The following GFRA2 variants were observed in gnomAD, a reference collection of about 807,000 sequenced individuals.
GFRA2 encodes GDNF family receptor alpha 2, also known as GDNF family receptor alpha-2.
GFRA2 carries 17 observed loss-of-function variants against 48.3 expected under a neutral mutation model. The ratio of observed to expected loss-of-function variants is 0.35; its 90% confidence interval spans 0.24 to 0.53. The LOEUF (loss-of-function observed/expected upper bound fraction) is 0.53, where lower values mean the gene tolerates loss of function less well. GFRA2 is among the 20% of genes least tolerant of loss of function. The probability of loss-of-function intolerance (pLI) is 0.93; values close to 1 mark genes in which losing one functional copy is unlikely to be tolerated. For synonymous variants in GFRA2, 305 were observed against 257.2 expected (o/e 1.19, Z -1.78); for missense variants, 660 against 637.3 (o/e 1.04, Z -0.38).
Position 21,693,269 on chromosome 8 carries a change from T to C in GFRA2, c.*9A>G. 3 of 1,603,210 alleles carry C rather than the reference T, an allele frequency of 1.9e-6. No individual in the cohort carries two copies. The highest frequency in any genetic ancestry group is 2.6e-6 in the Non-Finnish European group (3 of 1,174,530). ...GCTTTCAAAAATATTCTGACTCGGT[T>C]CCCACAGCCTACAAGGCCAGTTTCA... On this transcript the variant is annotated 3_prime_UTR_variant, in exon 9 of 9. Coordinates refer to ENST00000524240, the MANE Select transcript of GFRA2 (RefSeq NM_001495.5).
chr8:21,751,259 T>G, intron 3 of GFRA2, among the ~76,000 whole-genome samples: 1 of 152,166 alleles, frequency 6.6e-6, no homozygotes, highest in South Asian at 2.1e-4. Context: ...CAACCAGGTG[T>G]GTATGGCCCT....
chr8:21,778,697 C>G (rs1052233059), intron 2 of GFRA2, among the ~76,000 whole-genome samples: 2 of 152,118 alleles, frequency 1.3e-5, no homozygotes, highest in Non-Finnish European at 2.9e-5. Context: ...TTGAGGACAG[C>G]CTGGGCAATA....
intron 4 of GFRA2, among the ~76,000 whole-genome samples, chr8:21,714,278 G>A (rs566726065): frequency 1.4e-4 from 9 of 62,194 alleles, no homozygotes; most frequent in African/African-American, 4.3e-4. Flanking sequence ...TTGAGACAGG[G>A]TCTCACTCTG....
At chr8:21,774,878 G>A (rs1362313323) in intron 3 of GFRA2, 94 bp downstream of exon 3, 10 of 712,916 alleles carry the variant, frequency 1.4e-5, no homozygotes, top group Admixed American at 3.8e-5. Context: ...GGCCATCATC[G>A]GACGCCAGGA....
chr8:21,754,514 T>TC (rs1554493330), intron 3 of GFRA2, among the ~76,000 whole-genome samples: 3 of 146,358 alleles, frequency 2.0e-5, no homozygotes, highest in Non-Finnish European at 3.0e-5. Flanking sequence ...TCTTTTTTTT[T>TC]TTTTTTTTTT....
At chr8:21,801,140 G>A (rs1411323888) in intron 2 of GFRA2, among the ~76,000 whole-genome samples, 1 of 151,972 alleles carries the variant, frequency 6.6e-6, no homozygotes, top group African/African-American at 2.4e-5. Context: ...CCCTGAGGAA[G>A]GAGAACATCC....
chr8:21,741,391 T>TA (rs1804736864), intron 4 of GFRA2, among the ~76,000 whole-genome samples: 1 of 152,190 alleles, frequency 6.6e-6, no homozygotes, highest in South Asian at 2.1e-4. Context: ...ATCTTGCAGA[T>TA]AAACTTTTCC....
chr8:21,759,103 A>T (rs1204012859), intron 3 of GFRA2, among the ~76,000 whole-genome samples: 1 of 152,144 alleles, frequency 6.6e-6, no homozygotes, highest in African/African-American at 2.4e-5. Flanking sequence ...AAAAATACAT[A>T]AAAAAGGTCG....
At chr8:21,780,583 T>C (rs1585334940) in intron 2 of GFRA2, among the ~76,000 whole-genome samples, 1 of 152,112 alleles carries the variant, frequency 6.6e-6, no homozygotes, top group East Asian at 1.9e-4. Flanking sequence ...TCAGACCCAC[T>C]TCCTCCCTCG....
intron 3 of GFRA2, among the ~76,000 whole-genome samples, chr8:21,758,102 C>A (rs565714950): frequency 2.0e-5 from 3 of 151,932 alleles, no homozygotes; most frequent in African/African-American, 7.3e-5. Flanking sequence ...CGGCTGGCAC[C>A]TGGGCATCTG....
At chr8:21,695,208 G>C (rs188416286) in intron 7 of GFRA2, among the ~76,000 whole-genome samples, 2 of 152,280 alleles carry the variant, frequency 1.3e-5, no homozygotes, top group Admixed American at 6.5e-5. Flanking sequence ...TGTCTACCCT[G>C]GTGTGGCCAC....
chr8:21,798,911 A>G (rs1170912942), intron 2 of GFRA2, among the ~76,000 whole-genome samples: 1 of 152,172 alleles, frequency 6.6e-6, no homozygotes, highest in African/African-American at 2.4e-5. Flanking sequence ...GAAGTCTCCC[A>G]TTCTTATCTG....
At chr8:21,745,100 G>C (rs748926265) in intron 4 of GFRA2, among the ~76,000 whole-genome samples, 7 of 152,244 alleles carry the variant, frequency 4.6e-5, no homozygotes, top group Non-Finnish European at 8.8e-5. Flanking sequence ...TTTATCGCTG[G>C]TGACATTTAA....
At chr8:21,782,974 C>T in intron 1 of GFRA2, 75 bp from the exon 2 acceptor site, 1 of 1,388,340 alleles carries the variant, frequency 7.2e-7, no homozygotes. Context: ...GGCCTGGGGG[C>T]TTGGGCCCTG....
At chr8:21,743,745 G>C (rs1316602674) in intron 4 of GFRA2, among the ~76,000 whole-genome samples, 1 of 152,206 alleles carries the variant, frequency 6.6e-6, no homozygotes, top group Non-Finnish European at 1.5e-5. Context: ...CCCCTCCTAT[G>C]CCTGTGGCAG....
At chr8:21,804,152 T>C (rs1373130489) in intron 2 of GFRA2, among the ~76,000 whole-genome samples, 2 of 151,964 alleles carry the variant, frequency 1.3e-5, no homozygotes, top group Non-Finnish European at 2.9e-5. Flanking sequence ...CACAAACCTA[T>C]ACTGCTGCCT....
Position 21,782,651 on chromosome 8 carries a change from G to T in GFRA2, c.289C>A (p.Arg97=). The T allele has an allele frequency of 6.3e-7, 1 of 1,585,274 alleles. No homozygotes were observed. Among genetic ancestry groups the T allele is most frequent in the Non-Finnish European group, 8.6e-7 (1 of 1,166,350 alleles). ...CACTGCAGCTCCTTCTTCATGCCCC[G>T]CTTGCAGCGGCAGTCGTACAGCGGG... ...ESPLYDCRCK[R]GMKKELQCLQ... The change falls in exon 2 of 9, where the codon CGG becomes AGG. Residue 97 remains arginine (R), a synonymous_variant. Transcript: ENST00000524240.
In GFRA2 at chr8:21,788,746, C is replaced by G. The variant is rs1363956965; in HGVS notation, c.-587G>C. The G allele has an allele frequency of 2.0e-6, 2 of 985,446 alleles. No individual in the cohort carries two copies. Among genetic ancestry groups the G allele is most frequent in the African/African-American group, 3.5e-5 (2 of 57,260 alleles). The allele number at this position is 985,446 out of a possible 1,614,324, so 61.0% of individuals were successfully genotyped here. ...TCAAAAAAATCTTCTCCCGCTAACCCTTGCTCGGCTCACTTTTTTCTAATG... is the reference window on the plus strand; with the variant it reads ...TCAAAAAAATCTTCTCCCGCTAACCGTTGCTCGGCTCACTTTTTTCTAATG... On this transcript the variant is annotated 5_prime_UTR_variant, in exon 1 of 9. Transcript: ENST00000524240.
intron 4 of GFRA2, among the ~76,000 whole-genome samples, chr8:21,730,194 C>T (rs1804114423): frequency 6.6e-6 from 1 of 152,064 alleles, no homozygotes; most frequent in African/African-American, 2.4e-5. Flanking sequence ...CATCTGAGAT[C>T]AGGAGTTTGA....
Sources: gnomAD v4.1 joint callset for allele counts (sites outside exome capture counted in the v4.1 genomes callset) on GRCh38, gnomAD v4.1.1 for gene constraint, MANE v1.5 for transcripts, NCBI Gene and HGNC (gene_info 2026-07-23, HGNC 2026-07-21) for gene names.